LPCAT2: variants seen among roughly 807,000 people sequenced by gnomAD.
LPCAT2 encodes lysophosphatidylcholine acyltransferase 2.
Under a neutral mutation model 64.7 loss-of-function variants are expected in LPCAT2, and 58 were observed. The ratio of observed to expected loss-of-function variants is 0.90; its 90% CI spans 0.73 to 1.12. The LOEUF is 1.12. Among genes scored for constraint, LPCAT2 ranks in the 50% most tolerant of loss-of-function variants. LPCAT2 has a pLI of 0.00. For missense variants in LPCAT2, 579 were observed against 669.8 expected (o/e 0.86, Z 1.50); for synonymous variants, 252 against 245.3 (o/e 1.03, Z -0.26).
chr16:55,545,623 T>C (rs1169097848), intron 8 of LPCAT2, 112 bp from the exon 9 acceptor site: 8 of 695,238 alleles, frequency 1.2e-5, no homozygotes, highest in Non-Finnish European at 1.7e-5. Flanking sequence ...ATATAACCTA[T>C]GTTCTAGAAA....
At chr16:55,539,796 T>G (rs1446011303) in intron 8 of LPCAT2, 1 of 152,126 alleles carries the variant, frequency 6.6e-6, no homozygotes, top group Non-Finnish European at 1.5e-5. Flanking sequence ...GTAACCCCCT[T>G]TTTTCTTTTT....
intron 1 of LPCAT2, among the ~76,000 whole-genome samples, chr16:55,517,730 C>T (rs1430465260): frequency 2.6e-5 from 4 of 151,860 alleles, no homozygotes; most frequent in African/African-American, 9.7e-5. Context: ...ATAAAGGGCA[C>T]AAGAAAATAG....
chr16:55,578,253 G>A lies in LPCAT2; in HGVS notation c.1315-856G>A, dbSNP rs190880334. 2.0e-4 allele frequency among the ~76,000 whole-genome samples: 31 copies of A among 152,086 alleles called. 1 individual carries two copies. The highest frequency in any genetic ancestry group is 5.1e-4 in the African/African-American group (21 of 41,498). On this transcript the variant is annotated intron_variant, in intron 12 of 13. Transcript: ENST00000262134. The stretch of plus-strand genomic sequence containing the variant: ...ATAGTTTCCATTCTTACCCAAATTC[G>A]TATCTCAAGACTCATCAGTTTCCTA...
chr16:55,549,403 G>C lies in LPCAT2; in HGVS notation c.1061+1G>C. 6.3e-7 allele frequency: 1 copy of C among 1,585,420 alleles called. No individual in the cohort carries two copies. The highest frequency in any genetic ancestry group is 8.5e-7 in the Non-Finnish European group (1 of 1,172,032). ...TTACTAAAATTAGCCGAAAATTGAA[G>C]TAAGTGTATTTTAAAATGACTACAC... On this transcript the variant is annotated splice_donor_variant, in intron 10 of 13. Coordinates refer to ENST00000262134, the MANE Select transcript of LPCAT2 (RefSeq NM_017839.5). LOFTEE classifies it high-confidence loss of function.
intron 1 of LPCAT2, among the ~76,000 whole-genome samples, chr16:55,518,247 A>G (rs974432129): frequency 6.6e-6 from 1 of 152,132 alleles, no homozygotes; most frequent in African/African-American, 2.4e-5. Flanking sequence ...TGAAAACTAC[A>G]AAATATCATT....
chr16:55,535,125 G>C (rs915402900), intron 7 of LPCAT2, among the ~76,000 whole-genome samples: 1 of 152,150 alleles, frequency 6.6e-6, no homozygotes. Context: ...GAATAAGTCT[G>C]AGCCTGTTTA....
intron 1 of LPCAT2, among the ~76,000 whole-genome samples, chr16:55,521,709 C>A: frequency 6.6e-6 from 1 of 151,562 alleles, no homozygotes; most frequent in Admixed American, 6.6e-5. Flanking sequence ...ATGTAATTCA[C>A]CATATAAGCA....
At chr16:55,531,690 CT>C (rs375820671) in intron 4 of LPCAT2, among the ~76,000 whole-genome samples, 18 of 152,136 alleles carry the variant, frequency 1.2e-4, no homozygotes, top group African/African-American at 3.6e-4. Flanking sequence ...TAAGTATATT[CT>C]TTATTCAAAG....
chr16:55,511,625 A>T (rs4627342), intron 1 of LPCAT2, among the ~76,000 whole-genome samples: 2,293 of 152,338 alleles, frequency 0.015, 54 homozygotes, highest in African/African-American at 0.051. Context: ...AATGGAGATG[A>T]CATATTACCA....
In LPCAT2 at chr16:55,529,882, G is replaced by A. The variant is rs1963227823; in HGVS notation, c.577G>A (p.Asp193Asn). The change falls in exon 4 of 14, where the codon GAT (aspartate) becomes AAT (asparagine). Residue 193 changes from aspartate (D) to asparagine (N), a missense_variant. By Grantham distance (23) the Asp-to-Asn change is conservative. Coordinates refer to ENST00000262134, the MANE Select transcript of LPCAT2 (RefSeq NM_017839.5). ...AGTTTTGGTGTCCCGTGTAGATCCG[G>A]ATTCCCGAAAAAACACAATAAATGA... ...QPVLVSRVDP[D>N]SRKNTINEII... is the part of the protein sequence containing the mutation. The A allele has an allele frequency of 1.9e-6, 3 of 1,592,042 alleles. 1 individual carries two copies. Among genetic ancestry groups the A allele is most frequent in the South Asian group, 2.2e-5 (2 of 89,094 alleles).
At chr16:55,517,686 A>T (rs759473764) in intron 1 of LPCAT2, among the ~76,000 whole-genome samples, 1 of 152,206 alleles carries the variant, frequency 6.6e-6, no homozygotes, top group Non-Finnish European at 1.5e-5. Flanking sequence ...TTCGTTCAAC[A>T]TAGAAAAATT....
At chr16:55,555,192 A>G (rs566273481) in intron 11 of LPCAT2, among the ~76,000 whole-genome samples, 11 of 152,364 alleles carry the variant, frequency 7.2e-5, no homozygotes, top group Admixed American at 1.3e-4. Flanking sequence ...TACAAAAAAT[A>G]CATTGTCTGT....
rs1963447163 is a variant in LPCAT2, at chr16:55,545,822, G to C, written c.935+5G>C. 2.5e-6 allele frequency: 4 copies of C among 1,593,332 alleles called. No homozygotes were observed. Among genetic ancestry groups the C allele is most frequent in the Non-Finnish European group, 3.4e-6 (4 of 1,162,836 alleles). On this transcript the variant is annotated splice_donor_5th_base_variant and intron_variant, in intron 9 of 13. Transcript: ENST00000262134. ...AGTCCGGAATTTAATGGCAGAGTAA[G>C]TGTCTATATTTGATTATAACTCATA...
chr16:55,582,503 T>C (rs1162262722), intron 13 of LPCAT2, among the ~76,000 whole-genome samples: 1 of 152,228 alleles, frequency 6.6e-6, no homozygotes, highest in Non-Finnish European at 1.5e-5. Context: ...TAGCTGTTTA[T>C]TCATTTTCAT....
chr16:55,543,168 G>A (rs756876157), intron 8 of LPCAT2, among the ~76,000 whole-genome samples: 2 of 152,120 alleles, frequency 1.3e-5, no homozygotes, highest in Non-Finnish European at 2.9e-5. Context: ...TTGCTTCTTA[G>A]GAGGAATGGG....
intron 8 of LPCAT2, among the ~76,000 whole-genome samples, chr16:55,544,823 G>T (rs942844909): frequency 2.6e-5 from 4 of 151,764 alleles, no homozygotes; most frequent in African/African-American, 7.3e-5. Flanking sequence ...GGTTTTTTTT[G>T]AATCTGACAA....
chr16:55,558,678 G>T (rs1474413103), intron 11 of LPCAT2, among the ~76,000 whole-genome samples: 1 of 152,216 alleles, frequency 6.6e-6, no homozygotes, highest in East Asian at 1.9e-4. Flanking sequence ...AGACCACATG[G>T]TGTCTGTTAC....
chr16:55,528,241 G>C, intron 2 of LPCAT2, 136 bp from the exon 3 acceptor site: 1 of 651,370 alleles, frequency 1.5e-6, no homozygotes, highest in South Asian at 2.0e-5. Context: ...GTAAGTGTTA[G>C]CTGTTATTCT....
At chr16:55,513,165 T>C (rs550302643) in intron 1 of LPCAT2, among the ~76,000 whole-genome samples, 5 of 152,282 alleles carry the variant, frequency 3.3e-5, no homozygotes, top group African/African-American at 1.2e-4. Context: ...AATGTAGGAC[T>C]TCGCAGAAAA....
Sources: gnomAD v4.1 joint callset for allele counts (sites outside exome capture counted in the v4.1 genomes callset) on GRCh38, gnomAD v4.1.1 for gene constraint, MANE v1.5 for transcripts, NCBI Gene and HGNC (gene_info 2026-07-23, HGNC 2026-07-21) for gene names.